The following ANKFN1 variants were observed in gnomAD, a reference collection of about 807,000 sequenced individuals.
ANKFN1 encodes the protein ankyrin repeat and fibronectin type III domain containing 1.
In ANKFN1, 74 loss-of-function variants were observed where a neutral mutation model predicts 108.7. That is an observed-to-expected ratio of 0.68 (90% CI 0.56 to 0.83). ANKFN1 has a LOEUF of 0.83. Ranked by LOEUF, ANKFN1 falls within the 40% of genes least tolerant of loss-of-function variation. ANKFN1 has a pLI of 0.00. For synonymous variants in ANKFN1, 547 were observed against 516.2 expected (o/e 1.06, Z -0.81); for missense variants, 1,505 against 1,382.3 (o/e 1.09, Z -1.41).
chr17:56,481,161 C>G (rs978529656), intron 17 of ANKFN1, among the ~76,000 whole-genome samples: 7 of 149,168 alleles, frequency 4.7e-5, no homozygotes, highest in African/African-American at 1.7e-4. Context: ...TAGCATAAAG[C>G]AAAGAGAACA....
At chr17:56,439,842 C>A (rs1220252345) in intron 8 of ANKFN1, among the ~76,000 whole-genome samples, 1 of 152,014 alleles carries the variant, frequency 6.6e-6, no homozygotes, top group Non-Finnish European at 1.5e-5. Flanking sequence ...CCTAGTGGAT[C>A]CTTTGGTTCT....
intron 4 of ANKFN1, among the ~76,000 whole-genome samples, chr17:56,068,174 G>A (rs1002453275): frequency 2.0e-5 from 3 of 152,250 alleles, no homozygotes; most frequent in Middle Eastern, 3.4e-3. Context: ...TCATCAGGAC[G>A]TAGTTCAAAG....
chr17:56,060,725 G>T (rs1904958812), intron 4 of ANKFN1, among the ~76,000 whole-genome samples: 1 of 152,148 alleles, frequency 6.6e-6, no homozygotes. Flanking sequence ...TTATGTGATG[G>T]ATTACATTTA....
chr17:56,170,793 T>TAC (rs1910600590), intron 1 of ANKFN1, among the ~76,000 whole-genome samples: 2 of 62,962 alleles, frequency 3.2e-5, no homozygotes, highest in East Asian at 7.1e-4. Flanking sequence ...TATATATATA[T>TAC]ATATATATAT....
At chr17:56,335,050 A>T (rs182050839) in intron 4 of ANKFN1, among the ~76,000 whole-genome samples, 10 of 152,100 alleles carry the variant, frequency 6.6e-5, no homozygotes, top group Admixed American at 6.6e-4. Flanking sequence ...GTGTGGTGTT[A>T]TTTCTGAGGT....
chr17:56,380,033 T>A (rs932549881), intron 8 of ANKFN1, among the ~76,000 whole-genome samples: 2 of 152,262 alleles, frequency 1.3e-5, no homozygotes, highest in African/African-American at 2.4e-5. Context: ...AGTTCACTTT[T>A]AAAAATCTTA....
chr17:56,049,076 T>C (rs1245620220), intron 4 of ANKFN1, among the ~76,000 whole-genome samples: 1 of 152,250 alleles, frequency 6.6e-6, no homozygotes, highest in Non-Finnish European at 1.5e-5. Context: ...ATCAGATTTG[T>C]AGAATACTTC....
intron 8 of ANKFN1, among the ~76,000 whole-genome samples, chr17:56,381,630 G>A (rs991938882): frequency 5.3e-5 from 8 of 152,314 alleles, no homozygotes; most frequent in East Asian, 1.9e-4. Flanking sequence ...CGAGAACTAC[G>A]TGAAGAATGC....
Position 56,510,699 on chromosome 17 carries a change from C to A in ANKFN1, c.2871C>A (p.Gly957=), listed in dbSNP as rs1459161101. ...TPLGPGQDPQ[G]EGPNPDHSCA... is the part of the protein sequence containing the mutation. ...TGGGGCCGGGCCAGGATCCCCAGGG[C>A]GAGGGCCCAAATCCCGATCACTCAT... is the stretch of plus-strand genomic sequence containing the variant. Residue 957 remains glycine, a synonymous_variant, in exon 21 of 21, where the codon GGC becomes GGA. Transcript: ENST00000682825. 1 of 1,536,152 alleles carries A rather than the reference C, an allele frequency of 6.5e-7. No homozygotes were observed. Among genetic ancestry groups the A allele is most frequent in the Non-Finnish European group, 8.7e-7 (1 of 1,146,914 alleles).
Position 56,350,928 on chromosome 17 carries a change from G to A in ANKFN1, c.351G>A (p.Arg117=), listed in dbSNP as rs555482403. ...CTTCCTTCGATGAGGCCTATTTTAG[G>A]ACAAGAACTGATCGGCTGAGTCTCA... is the stretch of plus-strand genomic sequence containing the variant. ...SHSSFDEAYF[R]TRTDRLSLRK... is the part of the protein sequence containing the mutation. The change falls in exon 5 of 21, where the codon AGG becomes AGA. Residue 117 remains arginine (R), a synonymous_variant. Transcript: ENST00000682825. The A allele has an allele frequency of 6.2e-7, 1 of 1,613,660 alleles. No individual in the cohort carries two copies. Among genetic ancestry groups the A allele is most frequent in the African/African-American group, 1.3e-5 (1 of 74,998 alleles).
At position 56,224,553 on chromosome 17, in the gene ANKFN1, T is replaced by C. The variant is rs544752411; in HGVS notation, c.13-3364T>C. On this transcript the variant is annotated intron_variant, in intron 2 of 20. Coordinates refer to ENST00000682825, the MANE Select transcript of ANKFN1 (RefSeq NM_001370326.1). Reference sequence around the variant, plus strand: ...ACAAACCATAAACATTTTAAATAACTGACAACTCAAGCCAGATAGCCTAAT... The same window carrying C: ...ACAAACCATAAACATTTTAAATAACCGACAACTCAAGCCAGATAGCCTAAT... 11 of 152,304 alleles carry C rather than the reference T, an allele frequency of 7.2e-5. No homozygotes were observed. In the East Asian group the frequency reaches 2.1e-3, roughly 29 times the overall value. The allele number at this position is 152,304 out of a possible 1,614,324, so 9.4% of individuals were successfully genotyped here. A position where few individuals can be genotyped will look rare whatever the true frequency, so the allele number is the denominator to read the frequency against.
chr17:56,146,252 A>G (rs760024862), intron 4 of ANKFN1, among the ~76,000 whole-genome samples: 4 of 152,084 alleles, frequency 2.6e-5, no homozygotes, highest in Non-Finnish European at 4.4e-5. Flanking sequence ...AGCTGCTTTC[A>G]TGGCTGGCAT....
intron 4 of ANKFN1, among the ~76,000 whole-genome samples, chr17:56,126,503 G>A (rs1398985394): frequency 6.6e-6 from 1 of 152,094 alleles, no homozygotes; most frequent in Non-Finnish European, 1.5e-5. Flanking sequence ...TTTACCTTTT[G>A]CTGACTTTAG....
chr17:56,345,653 T>A (rs1202628566), intron 4 of ANKFN1, among the ~76,000 whole-genome samples: 1 of 152,108 alleles, frequency 6.6e-6, no homozygotes, highest in African/African-American at 2.4e-5. Flanking sequence ...GTGATGATAA[T>A]CTTTTTTTCA....
rs548651034 is a variant in ANKFN1, at chr17:56,062,354, G to A, written c.288+16029G>A. 2.6e-5 allele frequency among the ~76,000 whole-genome samples: 4 copies of A among 152,232 alleles called. No individual in the cohort carries two copies. In the South Asian group the frequency reaches 8.3e-4, roughly 32 times the overall value. On this transcript the variant is annotated intron_variant, in intron 4 of 12. Transcript: ENST00000635860. ...GGTGTTAAAGCCTCCCACTATTATT[G>A]TGTAGGAGTCTAAGTCTCTTTGTAG... is the stretch of plus-strand genomic sequence containing the variant.
chr17:56,094,675 G>GTTT (rs537728223), intron 4 of ANKFN1, among the ~76,000 whole-genome samples: 2 of 75,192 alleles, frequency 2.7e-5, no homozygotes, highest in Non-Finnish European at 6.6e-5. Flanking sequence ...AGCTAATTGG[G>GTTT]TTTTTTTTTT....
At chr17:56,159,656 C>G (rs529794835) in intron 1 of ANKFN1, among the ~76,000 whole-genome samples, 8 of 152,202 alleles carry the variant, frequency 5.3e-5, no homozygotes, top group East Asian at 1.9e-4. Flanking sequence ...TACCCTCCCC[C>G]TTTCCAAGAC....
chr17:56,398,321 T>G (rs1282109443), intron 8 of ANKFN1, among the ~76,000 whole-genome samples: 1 of 152,126 alleles, frequency 6.6e-6, no homozygotes, highest in Non-Finnish European at 1.5e-5. Context: ...ATATGATTAG[T>G]CTCAGTAAAG....
At chr17:56,479,684 G>A (rs934684049) in intron 16 of ANKFN1, among the ~76,000 whole-genome samples, 5 of 152,206 alleles carry the variant, frequency 3.3e-5, no homozygotes, top group Non-Finnish European at 7.3e-5. Context: ...CCCACAGATT[G>A]GAGCCCAGCC....
Sources: gnomAD v4.1 joint callset for allele counts (sites outside exome capture counted in the v4.1 genomes callset) on GRCh38, gnomAD v4.1.1 for gene constraint, MANE v1.5 for transcripts, NCBI Gene and HGNC (gene_info 2026-07-23, HGNC 2026-07-21) for gene names.